The following MYO3B variants were observed in gnomAD, a reference collection of about 807,000 sequenced individuals.
MYO3B encodes myosin-IIIb.
A neutral mutation model predicts 174.6 loss-of-function variants in MYO3B; 156 were observed. The ratio of observed to expected loss-of-function variants is 0.89; its 90% CI spans 0.78 to 1.02. MYO3B has a LOEUF of 1.02. Among genes scored for constraint, MYO3B ranks in the 50% least tolerant of loss-of-function variants. MYO3B has a pLI of 0.00. For synonymous variants in MYO3B, 563 were observed against 569.1 expected (o/e 0.99, Z 0.15); for missense variants, 1,632 against 1,639.4 (o/e 1.00, Z 0.08).
intron 22 of MYO3B, among the ~76,000 whole-genome samples, chr2:170,429,158 G>C (rs1395499192): frequency 6.6e-6 from 1 of 152,158 alleles, no homozygotes; most frequent in Admixed American, 6.5e-5. Context: ...CTTCTAGGGA[G>C]GGATTTTTTA....
intron 21 of MYO3B, among the ~76,000 whole-genome samples, chr2:170,407,129 T>C (rs2094514783): frequency 6.6e-6 from 1 of 152,156 alleles, no homozygotes; most frequent in Non-Finnish European, 1.5e-5. Flanking sequence ...TTTTAATAAT[T>C]ATTCTGATGT....
intron 23 of MYO3B, among the ~76,000 whole-genome samples, chr2:170,453,820 C>G (rs1348512510): frequency 6.6e-6 from 1 of 152,170 alleles, no homozygotes; most frequent in Non-Finnish European, 1.5e-5. Context: ...CAGTATTGAC[C>G]TAACAAGGCT....
chr2:170,553,347 G>A (rs1033317988), intron 32 of MYO3B, among the ~76,000 whole-genome samples: 14 of 152,228 alleles, frequency 9.2e-5, no homozygotes, highest in Non-Finnish European at 8.8e-5. Context: ...AGCCTTGGGA[G>A]CCCACCTCTT....
chr2:170,529,070 C>G (rs1223973501), intron 30 of MYO3B, among the ~76,000 whole-genome samples: 1 of 152,172 alleles, frequency 6.6e-6, no homozygotes, highest in Non-Finnish European at 1.5e-5. Flanking sequence ...TGATAGCTCT[C>G]TTCTTTCTTA....
In MYO3B at chr2:170,401,643, G is replaced by A. The variant is rs1244675298; in HGVS notation, c.2081G>A (p.Trp694Ter). 4 of 1,613,956 alleles carry A rather than the reference G, an allele frequency of 2.5e-6. No individual in the cohort carries two copies. Among genetic ancestry groups the A allele is most frequent in the Admixed American group, 3.3e-5 (2 of 59,996 alleles). The change falls in exon 18 of 35, where the codon TGG (tryptophan) becomes TAG (stop). Residue 694 changes from tryptophan (W) to a stop codon, truncating the protein, a stop_gained. Coordinates refer to ENST00000408978, the MANE Select transcript of MYO3B (RefSeq NM_138995.5). LOFTEE classifies it high-confidence loss of function. ...GCCCTGTATGGGAGGCTCTTCAGCT[G>A]GATTGTGAATCGCATTAATACACTC... ...SKALYGRLFS[W>*]IVNRINTLLQ...
intron 8 of MYO3B, among the ~76,000 whole-genome samples, chr2:170,367,263 G>A (rs2094205893): frequency 6.6e-6 from 1 of 152,214 alleles, no homozygotes; most frequent in Admixed American, 6.5e-5. Context: ...CAAAAATGTG[G>A]GGAGGGTGAC....
chr2:170,622,450 A>G (rs1671136223), intron 32 of MYO3B, among the ~76,000 whole-genome samples: 1 of 152,234 alleles, frequency 6.6e-6, no homozygotes, highest in Non-Finnish European at 1.5e-5. Flanking sequence ...ACAATACAAA[A>G]GGAATACAGT....
intron 32 of MYO3B, among the ~76,000 whole-genome samples, chr2:170,632,329 C>G (rs953905169): frequency 6.6e-6 from 1 of 152,180 alleles, no homozygotes; most frequent in Non-Finnish European, 1.5e-5. Flanking sequence ...GAAACTCACT[C>G]AAAACCGCTC....
chr2:170,521,680 C>T (rs1327730978), intron 30 of MYO3B, among the ~76,000 whole-genome samples: 1 of 152,148 alleles, frequency 6.6e-6, no homozygotes, highest in African/African-American at 2.4e-5. Context: ...CCATCTTTTA[C>T]ACTCTGCTAT....
chr2:170,354,353 A>G (rs1211455958), intron 8 of MYO3B, among the ~76,000 whole-genome samples: 2 of 152,170 alleles, frequency 1.3e-5, no homozygotes, highest in Non-Finnish European at 2.9e-5. Context: ...GTGGTCCTAA[A>G]AGATCCTTTG....
At chr2:170,501,916 AACTT>A (rs1454972011) in intron 28 of MYO3B, 51 bp downstream of exon 28, 3 of 1,234,004 alleles carry the variant, frequency 2.4e-6, no homozygotes, top group Non-Finnish European at 3.6e-6. Context: ...TTCTGTGACT[AACTT>A]CTGTGAATGT....
intron 1 of MYO3B, among the ~76,000 whole-genome samples, chr2:170,193,288 A>G (rs977313683): frequency 1.3e-5 from 2 of 152,076 alleles, no homozygotes; most frequent in Non-Finnish European, 2.9e-5. Context: ...CTATTGTTGA[A>G]TGTAAAATAA....
At chr2:170,420,948 C>T (rs1473545812) in intron 22 of MYO3B, among the ~76,000 whole-genome samples, 1 of 152,068 alleles carries the variant, frequency 6.6e-6, no homozygotes, top group Non-Finnish European at 1.5e-5. Context: ...ATCACCTCTT[C>T]CAGGGAGTTT....
intron 28 of MYO3B, among the ~76,000 whole-genome samples, chr2:170,502,977 A>G (rs1687375523): frequency 6.6e-6 from 1 of 152,180 alleles, no homozygotes; most frequent in African/African-American, 2.4e-5. Context: ...TCTCCTAGGA[A>G]TTCTAAGCTC....
chr2:170,649,317 TAAA>T (rs1698785079), intron 32 of MYO3B, among the ~76,000 whole-genome samples: 1 of 99,870 alleles, frequency 1.0e-5, no homozygotes, highest in African/African-American at 4.3e-5. Context: ...ATATTATATA[TAAA>T]ATAATATAAT....
intron 32 of MYO3B, among the ~76,000 whole-genome samples, chr2:170,621,271 G>A (rs966479730): frequency 9.2e-5 from 14 of 152,186 alleles, no homozygotes; most frequent in African/African-American, 3.1e-4. Context: ...CTGCTCCCCA[G>A]GAGGTTACTT....
At chr2:170,418,593 C>T (rs1022356520) in intron 22 of MYO3B, among the ~76,000 whole-genome samples, 5 of 152,116 alleles carry the variant, frequency 3.3e-5, no homozygotes, top group Admixed American at 2.0e-4. Flanking sequence ...GTGTGGTGCT[C>T]GGTCCAGACC....
chr2:170,424,813 T>G (rs2094647953), intron 22 of MYO3B, among the ~76,000 whole-genome samples: 1 of 152,214 alleles, frequency 6.6e-6, no homozygotes, highest in Admixed American at 6.5e-5. Context: ...TTGGTTTTAT[T>G]TCTTTAATGA....
chr2:170,415,310 T>A (rs56373024), intron 22 of MYO3B, among the ~76,000 whole-genome samples: 26,688 of 152,224 alleles, frequency 0.18, 2,979 homozygotes, highest in East Asian at 0.55. Flanking sequence ...TCAGATCTTT[T>A]CTCTAAACCT....
Sources: allele counts gnomAD v4.1 joint callset (sites outside exome capture counted in the v4.1 genomes callset), GRCh38; gene constraint gnomAD v4.1.1; transcripts MANE v1.5; gene names NCBI Gene and HGNC (gene_info 2026-07-23, HGNC 2026-07-21).